AEBP2: variants seen among roughly 807,000 people sequenced by gnomAD.
The protein encoded by AEBP2 is zinc finger protein AEBP2.
Under a neutral mutation model 50.8 loss-of-function variants are expected in AEBP2, and 10 were observed. That is an observed-to-expected ratio of 0.20 (90% confidence interval 0.12 to 0.33). AEBP2 has a LOEUF of 0.33. AEBP2 is among the 10% of genes least tolerant of loss of function. The pLI, the probability that AEBP2 is intolerant of heterozygous loss-of-function variation, is 1.00. For synonymous variants in AEBP2, 296 were observed against 261.3 expected, an observed-to-expected ratio of 1.13 and a Z score of -1.28; for missense variants, 570 against 688.0, an observed-to-expected ratio of 0.83 and a Z score of 1.92.
chr12:19,442,484 A>G (rs1947979823), intron 1 of AEBP2, among the ~76,000 whole-genome samples: 2 of 152,234 alleles, frequency 1.3e-5, no homozygotes, highest in Admixed American at 6.5e-5. Context: ...CAGGAGACGA[A>G]TTATTGGTTA....
intron 2 of AEBP2, among the ~76,000 whole-genome samples, chr12:19,466,144 A>G (rs749763604): frequency 1.4e-4 from 21 of 152,060 alleles, no homozygotes; most frequent in Middle Eastern, 3.4e-3. Context: ...GTTGGTAGGA[A>G]CATCAGATTT....
At chr12:19,492,031 C>T (rs1165621451) in intron 3 of AEBP2, among the ~76,000 whole-genome samples, 1 of 152,066 alleles carries the variant, frequency 6.6e-6, no homozygotes, top group East Asian at 1.9e-4. Context: ...AGGAAAGAGC[C>T]TGAGGCATGT....
At chr12:19,433,966 C>T (rs2095752930) in intron 1 of AEBP2, among the ~76,000 whole-genome samples, 1 of 151,954 alleles carries the variant, frequency 6.6e-6, no homozygotes. Context: ...TCTGCCTCAG[C>T]CTCCCTAGTA....
chr12:19,516,753 G>A (rs1362986067), intron 7 of AEBP2, among the ~76,000 whole-genome samples: 3 of 152,166 alleles, frequency 2.0e-5, no homozygotes, highest in East Asian at 3.8e-4. Context: ...TTGGCCCGGT[G>A]AGGTGGTTCA....
At chr12:19,483,412 C>T (rs1327668233) in intron 3 of AEBP2, among the ~76,000 whole-genome samples, 1 of 152,154 alleles carries the variant, frequency 6.6e-6, no homozygotes, top group Non-Finnish European at 1.5e-5. Flanking sequence ...CTCTCTTACA[C>T]TTTGGGAACT....
chr12:19,478,841 A>C (rs1948687678), intron 3 of AEBP2, among the ~76,000 whole-genome samples: 1 of 152,092 alleles, frequency 6.6e-6, no homozygotes, highest in Non-Finnish European at 1.5e-5. Flanking sequence ...TACTTGATAT[A>C]ATTTAGATTT....
chr12:19,471,026 A>G (rs561549442), intron 2 of AEBP2, among the ~76,000 whole-genome samples: 1 of 147,812 alleles, frequency 6.8e-6, no homozygotes, highest in Non-Finnish European at 1.5e-5. Context: ...CCAAACTAAT[A>G]ATATGATTTC....
At chr12:19,413,108 A>C (rs1020125650) in intron 1 of AEBP2, 37 of 666,042 alleles carry the variant, frequency 5.6e-5, no homozygotes, top group Non-Finnish European at 8.9e-5. Context: ...GGCCGAATTC[A>C]GTTTTTCCGG....
chr12:19,482,486 G>C (rs1948744909), intron 3 of AEBP2, among the ~76,000 whole-genome samples: 1 of 152,218 alleles, frequency 6.6e-6, no homozygotes. Flanking sequence ...CGCTTCCTGG[G>C]ATCTGGGTTA....
chr12:19,455,401 A>T (rs1191765956), intron 1 of AEBP2, among the ~76,000 whole-genome samples: 2 of 152,168 alleles, frequency 1.3e-5, no homozygotes, highest in African/African-American at 2.4e-5. Flanking sequence ...TGTAATCAGA[A>T]ACCATGTTAG....
At chr12:19,503,937 TC>T (rs1949118936) in intron 5 of AEBP2, among the ~76,000 whole-genome samples, 1 of 151,810 alleles carries the variant, frequency 6.6e-6, no homozygotes, top group Non-Finnish European at 1.5e-5. Flanking sequence ...GTTCAAGAGA[TC>T]CTCCCACCTC....
chr12:19,464,764 A>G (rs1204912223), intron 2 of AEBP2, among the ~76,000 whole-genome samples: 1 of 150,998 alleles, frequency 6.6e-6, no homozygotes, highest in Non-Finnish European at 1.5e-5. Flanking sequence ...ATTTTTTTGT[A>G]TTTTTGGTAG....
chr12:19,509,575 G>A lies in AEBP2; in HGVS notation c.1300-2823G>A, dbSNP rs945121387. ...AGCCTGGGCAAAATGGTAAAACCCC[G>A]TCTCTAGAAAAAATAAAAAAGACAT... is the stretch of plus-strand genomic sequence containing the variant. On this transcript the variant is annotated intron_variant, in intron 5 of 7. Coordinates refer to ENST00000266508, the MANE Select transcript of AEBP2 (RefSeq NM_153207.5). Among the ~76,000 whole-genome samples, 17 of 152,040 alleles carry A rather than the reference G, an allele frequency of 1.1e-4. No individual in the cohort carries two copies. The East Asian group carries it at 1.7e-3, about 16-fold the overall frequency.
In AEBP2 at chr12:19,518,418, A is replaced by G. The variant is rs762745794; in HGVS notation, c.*301A>G. The G allele has an allele frequency of 4.6e-4, 562 of 1,231,424 alleles. 1 individual carries two copies. Among genetic ancestry groups the G allele is most frequent in the Non-Finnish European group, 5.6e-4 (554 of 985,498 alleles). 76.3% of individuals were successfully genotyped at this position (1,231,424 alleles called of 1,614,324 possible). On this transcript the variant is annotated 3_prime_UTR_variant, in exon 8 of 8. Transcript: ENST00000266508. ...TAGAACAGCTTCTTAAAGGCTTTGC[A>G]TGCTTGCTGCTTTAAGCTGCTTTTT...
At chr12:19,456,563 A>T (rs1161085248) in intron 1 of AEBP2, 57 of 1,539,538 alleles carry the variant, frequency 3.7e-5, no homozygotes, top group Non-Finnish European at 4.7e-5. Flanking sequence ...GTACAGGGGC[A>T]TAGCCAGCAC....
chr12:19,518,065 A>G, intron 7 of AEBP2, 22 bp from the exon 8 acceptor site: 2 of 1,589,198 alleles, frequency 1.3e-6, no homozygotes, highest in Non-Finnish European at 1.7e-6. Context: ...GAATAAAAGG[A>G]TTTCTTTTTC....
chr12:19,428,263 A>G (rs2153364988), intron 1 of AEBP2, among the ~76,000 whole-genome samples: 1 of 152,282 alleles, frequency 6.6e-6, no homozygotes, highest in South Asian at 2.1e-4. Flanking sequence ...AAACTGGATA[A>G]AAGATTTCTT....
intron 3 of AEBP2, among the ~76,000 whole-genome samples, chr12:19,491,507 C>A (rs7305403): frequency 0.26 from 39,077 of 151,932 alleles, 5,879 homozygotes; most frequent in African/African-American, 0.43. Context: ...TCATCTTTAT[C>A]CTTCTAGCAT....
chr12:19,457,066 A>T, intron 1 of AEBP2: 2 of 1,607,228 alleles, frequency 1.2e-6, no homozygotes. Flanking sequence ...AATTGGCACA[A>T]ATGCTTCTGT....
Sources: gnomAD v4.1 joint callset for allele counts (sites outside exome capture counted in the v4.1 genomes callset) on GRCh38, gnomAD v4.1.1 for gene constraint, MANE v1.5 for transcripts, NCBI Gene and HGNC (gene_info 2026-07-23, HGNC 2026-07-21) for gene names.